RGS17: variants seen among roughly 807,000 people sequenced by gnomAD.
RGS17 encodes the protein regulator of G protein signaling 17.
RGS17 carries 12 observed loss-of-function variants against 25.5 expected under a neutral mutation model. That is an observed-to-expected ratio of 0.47 (90% CI 0.30 to 0.76). The LOEUF (loss-of-function observed/expected upper bound fraction) is 0.76, where lower values mean the gene tolerates loss of function less well. Among genes scored for constraint, RGS17 ranks in the 30% least tolerant of loss-of-function variants. The pLI, the probability that RGS17 is intolerant of heterozygous loss-of-function variation, is 0.07. For synonymous variants in RGS17, 71 were observed against 76.9 expected (o/e 0.92, Z 0.40); for missense variants, 196 against 242.2 (o/e 0.81, Z 1.27).
chr6:153,079,293 G>C (rs1323314841), intron 1 of RGS17, among the ~76,000 whole-genome samples: 1 of 152,068 alleles, frequency 6.6e-6, no homozygotes, highest in Non-Finnish European at 1.5e-5. Flanking sequence ...GTCCAGGCTG[G>C]TCTTGAACTC....
intron 2 of RGS17, among the ~76,000 whole-genome samples, chr6:153,037,567 A>G (rs1776265791): frequency 6.6e-6 from 1 of 151,880 alleles, no homozygotes; most frequent in South Asian, 2.1e-4. Flanking sequence ...CTGGGATTAC[A>G]GGCGCATGCC....
chr6:153,059,833 G>A (rs986138060), intron 1 of RGS17, among the ~76,000 whole-genome samples: 5 of 152,212 alleles, frequency 3.3e-5, no homozygotes, highest in East Asian at 3.9e-4. Flanking sequence ...GATGTATTTG[G>A]TAATTACCAA....
intron 1 of RGS17, among the ~76,000 whole-genome samples, chr6:153,068,075 T>C (rs1345970544): frequency 6.6e-6 from 1 of 152,138 alleles, no homozygotes; most frequent in Admixed American, 6.6e-5. Context: ...GTCTCTTCAA[T>C]AAATGGTGCT....
chr6:153,039,623 T>C (rs1776298214), intron 2 of RGS17, among the ~76,000 whole-genome samples: 1 of 152,214 alleles, frequency 6.6e-6, no homozygotes, highest in African/African-American at 2.4e-5. Flanking sequence ...AGATTTTATG[T>C]GAAAAAGTAG....
At chr6:153,028,440 T>C (rs1283958596) in intron 2 of RGS17, among the ~76,000 whole-genome samples, 1 of 152,114 alleles carries the variant, frequency 6.6e-6, no homozygotes, top group Non-Finnish European at 1.5e-5. Flanking sequence ...TGCGTGTGAG[T>C]GCTGTGAATG....
Position 153,120,573 on chromosome 6 carries a change from C to A in RGS17, c.-26+10551G>T, listed in dbSNP as rs374810111. Among the ~76,000 whole-genome samples the A allele has an allele frequency of 1.9e-4, 29 of 152,266 alleles. 1 individual carries two copies. The South Asian group carries it at 4.2e-3, about 22-fold the overall frequency. ...GTGTTCCTACTTCCCTTGACCGCCC[C>A]CCTGCATGGACTGATGAAGCGCCTG... On this transcript the variant is annotated intron_variant, in intron 1 of 4. Transcript: ENST00000206262.
rs763143985 is a variant in RGS17 at position 153,123,336 on chromosome 6, T to TA, written c.-26+7787dup. On this transcript the variant is annotated intron_variant, in intron 1 of 4. Transcript: ENST00000206262. The stretch of plus-strand genomic sequence containing the variant: ...CTTATTAAGAGCCCGGTCAAAGATT[T>TA]AATGACAAGAATGTTAAATGTAGTG... Among the ~76,000 whole-genome samples the TA allele has an allele frequency of 3.2e-4, 48 of 152,250 alleles. 7 individuals are homozygous for TA. The highest frequency in any genetic ancestry group is 2.1e-3 in the Admixed American group (32 of 15,302).
chr6:153,099,766 A>G (rs1777270784), intron 1 of RGS17, among the ~76,000 whole-genome samples: 1 of 152,148 alleles, frequency 6.6e-6, no homozygotes, highest in Non-Finnish European at 1.5e-5. Context: ...CAGTTTCCTT[A>G]TCTGTACAAT....
intron 1 of RGS17, among the ~76,000 whole-genome samples, chr6:153,064,146 C>T (rs949313475): frequency 1.3e-5 from 2 of 152,036 alleles, no homozygotes; most frequent in East Asian, 1.9e-4. Flanking sequence ...TAAGTAATCA[C>T]CTGAAGGTAC....
intron 1 of RGS17, among the ~76,000 whole-genome samples, chr6:153,058,496 C>T (rs535847944): frequency 1.3e-5 from 2 of 152,180 alleles, no homozygotes; most frequent in Non-Finnish European, 2.9e-5. Context: ...ACAATCAACT[C>T]GTTATCCAAC....
chr6:153,058,050 T>C (rs1562322772), intron 1 of RGS17, among the ~76,000 whole-genome samples: 2 of 152,200 alleles, frequency 1.3e-5, no homozygotes, highest in African/African-American at 4.8e-5. Flanking sequence ...TGTTTCCTCA[T>C]TGGCAGATAA....
intron 1 of RGS17, among the ~76,000 whole-genome samples, chr6:153,122,507 G>A (rs575026772): frequency 2.0e-5 from 3 of 152,226 alleles, no homozygotes; most frequent in East Asian, 1.9e-4. Context: ...GACTTGAGTA[G>A]ATGAAGAAAA....
chr6:153,011,469 T>G lies in RGS17; in HGVS notation c.*105A>C. 1 of 754,804 alleles carries G rather than the reference T, an allele frequency of 1.3e-6. No homozygotes were observed. Among genetic ancestry groups the G allele is most frequent in the Non-Finnish European group, 2.2e-6 (1 of 453,078 alleles). 46.8% of individuals were successfully genotyped at this position (754,804 alleles called of 1,614,324 possible). On this transcript the variant is annotated 3_prime_UTR_variant, in exon 5 of 5. Coordinates refer to ENST00000206262, the MANE Select transcript of RGS17 (RefSeq NM_012419.5). ...TAACGGTTGTGTTTTCACAGTAGCC[T>G]GAGGAATGCTAAACTGTAGTTCTCC...
chr6:153,127,826 T>C, intron 1 of RGS17, among the ~76,000 whole-genome samples: 1 of 152,210 alleles, frequency 6.6e-6, no homozygotes, highest in South Asian at 2.1e-4. Flanking sequence ...TGGTAAACAG[T>C]GTAAGTGCTG....
rs1394875664 is a variant in RGS17, at chr6:153,125,371, TA to T, written c.-26+5752del. 3.9e-5 allele frequency among the ~76,000 whole-genome samples: 6 copies of T among 152,232 alleles called. No individual in the cohort carries two copies. In the East Asian group the frequency reaches 9.6e-4, roughly 24 times the overall value. On this transcript the variant is annotated intron_variant, in intron 1 of 4. Coordinates refer to ENST00000206262, the MANE Select transcript of RGS17 (RefSeq NM_012419.5). ...ATTAATCATGCTAGAATACTAAGTA[TA>T]AAATACTTCTATAATTTCATGAAAA...
chr6:153,030,157 T>A (rs1474887632), intron 2 of RGS17, among the ~76,000 whole-genome samples: 1 of 152,168 alleles, frequency 6.6e-6, no homozygotes, highest in African/African-American at 2.4e-5. Context: ...ACTTGTGACA[T>A]TTGAGAACTT....
At chr6:153,102,223 G>A (rs2129123640) in intron 1 of RGS17, among the ~76,000 whole-genome samples, 1 of 152,320 alleles carries the variant, frequency 6.6e-6, no homozygotes, top group Admixed American at 6.5e-5. Flanking sequence ...AATGGAACAT[G>A]ACAGAGACAC....
At chr6:153,103,330 A>G (rs1015997062) in intron 1 of RGS17, among the ~76,000 whole-genome samples, 2 of 152,166 alleles carry the variant, frequency 1.3e-5, no homozygotes, top group African/African-American at 2.4e-5. Flanking sequence ...AATTTATTTA[A>G]TATATGCCAT....
At chr6:153,084,852 A>C (rs953772955) in intron 1 of RGS17, among the ~76,000 whole-genome samples, 1 of 152,226 alleles carries the variant, frequency 6.6e-6, no homozygotes, top group African/African-American at 2.4e-5. Context: ...GGAAATTCCA[A>C]ATAGTGAAAA....
Sources: allele counts gnomAD v4.1 joint callset (sites outside exome capture counted in the v4.1 genomes callset), GRCh38; gene constraint gnomAD v4.1.1; transcripts MANE v1.5; gene names NCBI Gene and HGNC (gene_info 2026-07-23, HGNC 2026-07-21).